SPOCK3: variants seen among roughly 807,000 people sequenced by gnomAD.
The protein encoded by SPOCK3 is SPARC (osteonectin), cwcv and kazal like domains proteoglycan 3.
In SPOCK3, 30 loss-of-function variants were observed where a neutral mutation model predicts 56.6. The observed-to-expected ratio is 0.53, with a 90% CI of 0.40 to 0.72. The LOEUF is 0.72. Among genes scored for constraint, SPOCK3 ranks in the 30% least tolerant of loss-of-function variants. The pLI is 0.00. For synonymous variants in SPOCK3, 196 were observed against 183.3 expected, an observed-to-expected ratio of 1.07 and a Z score of -0.56; for missense variants, 527 against 530.0, an observed-to-expected ratio of 0.99 and a Z score of 0.06.
intron 6 of SPOCK3, among the ~76,000 whole-genome samples, chr4:166,819,640 A>G (rs948156321): frequency 2.0e-5 from 3 of 152,090 alleles, no homozygotes; most frequent in Non-Finnish European, 4.4e-5. Context: ...ATCAAAATGA[A>G]TGAAATAAAA....
chr4:167,061,115 T>A (rs1755561031), intron 3 of SPOCK3, among the ~76,000 whole-genome samples: 2 of 152,048 alleles, frequency 1.3e-5, no homozygotes, highest in Admixed American at 6.6e-5. Flanking sequence ...TTCTTTTTTT[T>A]ATGAGAGATA....
chr4:166,747,470 T>C (rs930327547), intron 8 of SPOCK3, among the ~76,000 whole-genome samples: 3 of 152,216 alleles, frequency 2.0e-5, no homozygotes, highest in Admixed American at 6.5e-5. Context: ...AACTAGCTAT[T>C]GATGGGACAT....
intron 10 of SPOCK3, among the ~76,000 whole-genome samples, chr4:166,736,355 A>C (rs1371964865): frequency 6.6e-6 from 1 of 152,164 alleles, no homozygotes; most frequent in African/African-American, 2.4e-5. Context: ...TTTATAATGC[A>C]ACTACTTTAC....
intron 4 of SPOCK3, among the ~76,000 whole-genome samples, chr4:166,965,496 T>C (rs1460796730): frequency 6.6e-6 from 1 of 151,842 alleles, no homozygotes; most frequent in Non-Finnish European, 1.5e-5. Context: ...GCACTTTAAA[T>C]GTGTCGTTCT....
intron 2 of SPOCK3, among the ~76,000 whole-genome samples, chr4:167,079,043 C>A (rs1224068593): frequency 6.6e-6 from 1 of 150,952 alleles, no homozygotes; most frequent in African/African-American, 2.4e-5. Flanking sequence ...ACATTTTATT[C>A]TTTGCATCTC....
chr4:167,113,091 A>G (rs1452058834), intron 2 of SPOCK3, among the ~76,000 whole-genome samples: 1 of 152,136 alleles, frequency 6.6e-6, no homozygotes, highest in Non-Finnish European at 1.5e-5. Context: ...CAAGAGAAGA[A>G]GTGCAAATCT....
At chr4:167,103,369 A>G (rs1213759886) in intron 2 of SPOCK3, among the ~76,000 whole-genome samples, 1 of 152,094 alleles carries the variant, frequency 6.6e-6, no homozygotes, top group African/African-American at 2.4e-5. Context: ...AGGGTGGCCC[A>G]CTACCCTGAG....
At chr4:166,744,233 C>A (rs62352830) in intron 8 of SPOCK3, among the ~76,000 whole-genome samples, 1 of 151,818 alleles carries the variant, frequency 6.6e-6, no homozygotes, top group African/African-American at 2.4e-5. Context: ...CTCATACAGC[C>A]GAGTGCCCCT....
At chr4:167,176,577 T>C (rs1440879182) in intron 2 of SPOCK3, among the ~76,000 whole-genome samples, 1 of 152,158 alleles carries the variant, frequency 6.6e-6, no homozygotes, top group African/African-American at 2.4e-5. Flanking sequence ...ACAGTATGTA[T>C]ATTAAACTAA....
At chr4:167,111,556 G>C (rs1476720263) in intron 2 of SPOCK3, among the ~76,000 whole-genome samples, 2 of 152,022 alleles carry the variant, frequency 1.3e-5, no homozygotes, top group Non-Finnish European at 2.9e-5. Flanking sequence ...GATACTAAAA[G>C]TAAATATCTC....
At chr4:167,090,381 A>G (rs1758600467) in intron 2 of SPOCK3, among the ~76,000 whole-genome samples, 1 of 152,062 alleles carries the variant, frequency 6.6e-6, no homozygotes, top group Non-Finnish European at 1.5e-5. Context: ...TTACACAGTG[A>G]CTAATGATGT....
chr4:166,789,702 A>C (rs1375499152), intron 7 of SPOCK3, among the ~76,000 whole-genome samples: 1 of 152,186 alleles, frequency 6.6e-6, no homozygotes, highest in Non-Finnish European at 1.5e-5. Context: ...ACTACTAATA[A>C]ATAAAATACA....
intron 4 of SPOCK3, among the ~76,000 whole-genome samples, chr4:166,951,928 T>C (rs994922333): frequency 3.9e-5 from 6 of 152,166 alleles, no homozygotes; most frequent in African/African-American, 7.2e-5. Flanking sequence ...TGATGGGACA[T>C]ATCTCAAAAT....
At chr4:166,860,802 C>CATATATATATATATATATATGTATAT in intron 6 of SPOCK3, among the ~76,000 whole-genome samples, 2 of 101,938 alleles carry the variant, frequency 2.0e-5, no homozygotes, top group African/African-American at 7.6e-5. Context: ...CACACAAATT[C>CATATATATATATATATATATGTATAT]ATATATATAT....
intron 6 of SPOCK3, among the ~76,000 whole-genome samples, chr4:166,860,697 G>T (rs553503948): frequency 6.6e-6 from 1 of 150,984 alleles, no homozygotes; most frequent in Admixed American, 6.6e-5. Flanking sequence ...ATTACTAAGG[G>T]TTAATAAGTA....
At chr4:166,740,875 A>G (rs1734774377) in intron 9 of SPOCK3, among the ~76,000 whole-genome samples, 1 of 152,178 alleles carries the variant, frequency 6.6e-6, no homozygotes, top group Non-Finnish European at 1.5e-5. Flanking sequence ...GCATCTTGTA[A>G]CAGGGTCAAA....
intron 2 of SPOCK3, among the ~76,000 whole-genome samples, chr4:167,116,845 T>TTG (rs1186267107): frequency 7.1e-6 from 1 of 141,422 alleles, no homozygotes; most frequent in East Asian, 2.0e-4. Flanking sequence ...ATATATACTT[T>TTG]TATATATATA....
At chr4:167,023,185 G>T (rs1209919667) in intron 3 of SPOCK3, among the ~76,000 whole-genome samples, 1 of 151,930 alleles carries the variant, frequency 6.6e-6, no homozygotes, top group African/African-American at 2.4e-5. Context: ...AGAGGTCATT[G>T]CTGAGGTCCC....
At chr4:167,155,545 T>C (rs891000805) in intron 2 of SPOCK3, among the ~76,000 whole-genome samples, 6 of 152,196 alleles carry the variant, frequency 3.9e-5, no homozygotes, top group East Asian at 1.9e-4. Flanking sequence ...AAAATTGCCG[T>C]GTAAAGCAGC....
Sources: allele counts gnomAD v4.1 joint callset (sites outside exome capture counted in the v4.1 genomes callset), GRCh38; gene constraint gnomAD v4.1.1; transcripts MANE v1.5; gene names NCBI Gene and HGNC (gene_info 2026-07-23, HGNC 2026-07-21).